Variants in NKAIN3 observed in about 807,000 individuals in gnomAD.
The protein encoded by NKAIN3 is sodium/potassium-transporting ATPase subunit beta-1-interacting protein 3.
In NKAIN3, 25 loss-of-function variants were observed where a neutral mutation model predicts 30.2. The observed-to-expected ratio is 0.83, with a 90% confidence interval of 0.60 to 1.16. The LOEUF (loss-of-function observed/expected upper bound fraction) is 1.16, where lower values mean the gene tolerates loss of function less well. Ranked by LOEUF, NKAIN3 falls within the 50% of genes most tolerant of loss-of-function variation. NKAIN3 has a pLI of 0.00. For missense variants in NKAIN3, 225 were observed against 254.1 expected, an observed-to-expected ratio of 0.89 and a Z score of 0.78; for synonymous variants, 91 against 89.6, an observed-to-expected ratio of 1.02 and a Z score of -0.09.
chr8:62,986,428 C>T (rs1824200158), downstream of NKAIN3, among the ~76,000 whole-genome samples: 1 of 152,102 alleles, frequency 6.6e-6, no homozygotes. Flanking sequence ...CACTGGACTG[C>T]CCCATATGTA....
At chr8:62,704,948 G>A (rs1311207114) in intron 3 of NKAIN3, among the ~76,000 whole-genome samples, 1 of 152,124 alleles carries the variant, frequency 6.6e-6, no homozygotes, top group African/African-American at 2.4e-5. Flanking sequence ...ACTTATTTGT[G>A]TTTTCTTTAG....
In NKAIN3 at chr8:62,973,213, A is replaced by G. The variant is rs1050508583; in HGVS notation, c.*7806A>G. Among the ~76,000 whole-genome samples the G allele has an allele frequency of 5.9e-5, 9 of 152,160 alleles. No individual in the cohort carries two copies. Among genetic ancestry groups the G allele is most frequent in the Non-Finnish European group, 1.3e-4 (9 of 68,012 alleles). ...GTAGGGGATTGCTGGATCAAATGGTATTTCTAGTTCTAGATCCTTGAGGAA... is the reference window on the plus strand; with the variant it reads ...GTAGGGGATTGCTGGATCAAATGGTGTTTCTAGTTCTAGATCCTTGAGGAA... On this transcript the variant is annotated 3_prime_UTR_variant, in exon 7 of 7. Transcript: ENST00000623646.
At chr8:62,622,226 G>C (rs997865456) in intron 3 of NKAIN3, among the ~76,000 whole-genome samples, 7 of 151,934 alleles carry the variant, frequency 4.6e-5, no homozygotes, top group African/African-American at 1.7e-4. Context: ...TTTGGCCATT[G>C]TGAATGAAAC....
At position 62,773,715 on chromosome 8, in the gene NKAIN3, C is replaced by T. The variant is rs1222717493; in HGVS notation, c.471+26586C>T. On this transcript the variant is annotated intron_variant, in intron 4 of 6. Coordinates refer to ENST00000623646, the MANE Select transcript of NKAIN3 (RefSeq NM_001304533.3). Reference sequence around the variant, plus strand: ...CTCCTGCACACGCTCTCTTGCCTGCCACCATATAAGACATGCCTTTGCTCC... The same window carrying T: ...CTCCTGCACACGCTCTCTTGCCTGCTACCATATAAGACATGCCTTTGCTCC... Among the ~76,000 whole-genome samples, 3 of 152,232 alleles carry T rather than the reference C, an allele frequency of 2.0e-5. No individual in the cohort carries two copies. The East Asian group carries it at 5.8e-4, about 29-fold the overall frequency.
chr8:62,268,800 TG>T (rs1812686263), intron 1 of NKAIN3, among the ~76,000 whole-genome samples: 1 of 152,130 alleles, frequency 6.6e-6, no homozygotes, highest in South Asian at 2.1e-4. Context: ...TTCTCTCTAC[TG>T]CTACAAAGGC....
At chr8:62,716,641 A>G (rs1282307394) in intron 3 of NKAIN3, among the ~76,000 whole-genome samples, 1 of 152,136 alleles carries the variant, frequency 6.6e-6, no homozygotes, top group South Asian at 2.1e-4. Flanking sequence ...AAATACATGA[A>G]TCTGTGGCAG....
At chr8:62,869,515 T>A (rs899218814) in intron 4 of NKAIN3, among the ~76,000 whole-genome samples, 6 of 152,212 alleles carry the variant, frequency 3.9e-5, no homozygotes, top group African/African-American at 1.4e-4. Context: ...TGGAAATGTT[T>A]CTCCAATAGG....
chr8:62,402,226 C>G (rs1803898183), intron 1 of NKAIN3, among the ~76,000 whole-genome samples: 1 of 152,198 alleles, frequency 6.6e-6, no homozygotes, highest in Admixed American at 6.5e-5. Context: ...TGAGTAATGT[C>G]TGGTTACCAC....
chr8:62,354,555 T>G (rs572043598), intron 1 of NKAIN3, among the ~76,000 whole-genome samples: 14 of 152,184 alleles, frequency 9.2e-5, no homozygotes, highest in Non-Finnish European at 2.1e-4. Context: ...GTGATTCTCC[T>G]GCCTCAGCCT....
intron 1 of NKAIN3, among the ~76,000 whole-genome samples, chr8:62,533,472 C>T (rs1808551457): frequency 7.9e-6 from 1 of 126,748 alleles, no homozygotes; most frequent in Admixed American, 8.3e-5. Context: ...TGGGCAGGGC[C>T]TTATGTGCTC....
intron 1 of NKAIN3, among the ~76,000 whole-genome samples, chr8:62,264,394 A>G (rs779121214): frequency 2.0e-5 from 3 of 152,188 alleles, no homozygotes; most frequent in Non-Finnish European, 4.4e-5. Context: ...ATCCATTAAA[A>G]CATTAATTAA....
At chr8:62,945,422 A>G (rs552746167) in intron 5 of NKAIN3, among the ~76,000 whole-genome samples, 1 of 152,322 alleles carries the variant, frequency 6.6e-6, no homozygotes, top group East Asian at 1.9e-4. Flanking sequence ...CTATTACTTT[A>G]TTAACATCAG....
At chr8:62,873,010 A>G (rs375082511) in intron 4 of NKAIN3, among the ~76,000 whole-genome samples, 7 of 152,322 alleles carry the variant, frequency 4.6e-5, no homozygotes, top group African/African-American at 1.7e-4. Flanking sequence ...TTCACACATA[A>G]CAATACTAAC....
chr8:62,622,086 G>A (rs1166253308), intron 3 of NKAIN3, among the ~76,000 whole-genome samples: 1 of 151,934 alleles, frequency 6.6e-6, no homozygotes, highest in African/African-American at 2.4e-5. Context: ...TCTCATTCAG[G>A]ATAACTCTCC....
chr8:62,591,555 G>A (rs772664587), intron 3 of NKAIN3, among the ~76,000 whole-genome samples: 1 of 151,784 alleles, frequency 6.6e-6, no homozygotes, highest in Non-Finnish European at 1.5e-5. Context: ...GTGAATTTTT[G>A]TAACTGCTTT....
At chr8:62,618,830 C>G (rs893290356) in intron 3 of NKAIN3, among the ~76,000 whole-genome samples, 1 of 151,974 alleles carries the variant, frequency 6.6e-6, no homozygotes, top group African/African-American at 2.4e-5. Flanking sequence ...TGCTTGAACC[C>G]AGGAGGCAGA....
chr8:62,442,095 A>G (rs762069799), intron 1 of NKAIN3, among the ~76,000 whole-genome samples: 3 of 152,062 alleles, frequency 2.0e-5, no homozygotes, highest in Middle Eastern at 3.2e-3. Context: ...GTTGAGATAT[A>G]AAAGCTAATT....
chr8:62,401,074 C>T (rs1803852527), intron 1 of NKAIN3, among the ~76,000 whole-genome samples: 1 of 143,384 alleles, frequency 7.0e-6, no homozygotes, highest in Non-Finnish European at 1.5e-5. Flanking sequence ...TTAGATTTTC[C>T]CTTTTGAAGC....
chr8:62,669,759 G>T (rs77261747), intron 3 of NKAIN3, among the ~76,000 whole-genome samples: 194 of 152,204 alleles, frequency 1.3e-3, no homozygotes, highest in East Asian at 8.9e-3. Flanking sequence ...GATGGATGGG[G>T]TTGTCAGAAA....
Sources: gnomAD v4.1 joint callset for allele counts (sites outside exome capture counted in the v4.1 genomes callset) on GRCh38, gnomAD v4.1.1 for gene constraint, MANE v1.5 for transcripts, NCBI Gene and HGNC (gene_info 2026-07-23, HGNC 2026-07-21) for gene names.